The following PHF21A variants were observed in gnomAD, a reference collection of about 807,000 sequenced individuals.
PHF21A encodes PHD finger protein 21A.
A neutral mutation model predicts 82.5 loss-of-function variants in PHF21A; 11 were observed. The observed-to-expected ratio is 0.13, with a 90% CI of 0.08 to 0.22. The LOEUF (loss-of-function observed/expected upper bound fraction) is 0.22. Ranked by LOEUF, PHF21A falls within the 10% of genes least tolerant of loss-of-function variation. PHF21A has a pLI of 1.00. For missense variants in PHF21A, 579 were observed against 837.8 expected (o/e 0.69, Z 3.81); for synonymous variants, 297 against 302.8 (o/e 0.98, Z 0.20).
chr11:45,970,587 T>C (rs1251271105), intron 8 of PHF21A: 1 of 152,380 alleles, frequency 6.6e-6, no homozygotes, highest in Non-Finnish European at 1.5e-5. Context: ...AAGGGATTTT[T>C]TTTTTTTCCT....
intron 9 of PHF21A, 121 bp from the exon 10 acceptor site, chr11:45,965,729 T>G (rs574525296): frequency 5.1e-6 from 4 of 787,744 alleles, no homozygotes; most frequent in African/African-American, 1.7e-5. Flanking sequence ...TTCATTTTGG[T>G]ACATTAATTC....
chr11:46,011,933 C>T (rs1391805287), intron 6 of PHF21A, among the ~76,000 whole-genome samples: 2 of 152,150 alleles, frequency 1.3e-5, no homozygotes, highest in African/African-American at 2.4e-5. Context: ...TTAGAAGCAA[C>T]CTGCACACTC....
chr11:45,994,445 C>T (rs1415016697), intron 6 of PHF21A, among the ~76,000 whole-genome samples: 1 of 152,136 alleles, frequency 6.6e-6, no homozygotes, highest in Non-Finnish European at 1.5e-5. Context: ...AACCAGCCTC[C>T]CTGCTTTCAG....
intron 9 of PHF21A, among the ~76,000 whole-genome samples, chr11:45,969,321 G>C (rs2093631950): frequency 6.6e-6 from 1 of 152,230 alleles, no homozygotes; most frequent in Non-Finnish European, 1.5e-5. Flanking sequence ...TAGGGAGAAA[G>C]TCCTCTGTAC....
Position 45,935,740 on chromosome 11 carries a change from CTAA to C in PHF21A, c.1685-4_1685-2del. ...AACTTCTGTTTCTCTTCTTCTTTTG[CTAA>C]AAAAAAAAAAAAAAAAAAAAAGGAA... On this transcript the variant is annotated splice_acceptor_variant and splice_polypyrimidine_tract_variant and intron_variant, in intron 17 of 18. Transcript: ENST00000676320. LOFTEE classifies it high-confidence loss of function. The C allele has an allele frequency of 6.4e-6, 3 of 467,482 alleles. No homozygotes were observed. The highest frequency in any genetic ancestry group is 9.3e-6 in the Non-Finnish European group (3 of 321,118). The allele number at this position is 467,482 out of a possible 1,614,324, so 29.0% of individuals were successfully genotyped here.
intron 6 of PHF21A, among the ~76,000 whole-genome samples, chr11:46,001,356 T>C (rs375439396): frequency 1.3e-5 from 2 of 150,562 alleles, no homozygotes; most frequent in Admixed American, 6.7e-5. Context: ...GATATCACTG[T>C]TATCAACAAA....
rs999710699 is a variant in PHF21A, at chr11:45,931,730, G to C, written c.*2238C>G. On this transcript the variant is annotated 3_prime_UTR_variant, in exon 19 of 19. Coordinates refer to ENST00000676320, the MANE Select transcript of PHF21A (RefSeq NM_001352027.3). ...CAGGGCCTGGAGTGGGCTTGGGGGA[G>C]ATGCTCCAGCAGGGCCAGGGTACAG... The C allele has an allele frequency of 1.3e-5, 2 of 152,326 alleles. No homozygotes were observed. Among genetic ancestry groups the C allele is most frequent in the African/African-American group, 4.8e-5 (2 of 41,462 alleles). The allele number at this position is 152,326 out of a possible 1,614,324, so 9.4% of individuals were successfully genotyped here. A position where few individuals can be genotyped will look rare whatever the true frequency, so the allele number is the denominator to read the frequency against.
intron 9 of PHF21A, among the ~76,000 whole-genome samples, chr11:45,969,487 GA>G (rs2136038687): frequency 6.6e-6 from 1 of 152,346 alleles, no homozygotes; most frequent in South Asian, 2.1e-4. Context: ...AAAGAAATAA[GA>G]AGTGTTAATT....
chr11:45,938,825 G>A (rs184007414), intron 15 of PHF21A, among the ~76,000 whole-genome samples: 2 of 151,870 alleles, frequency 1.3e-5, no homozygotes, highest in East Asian at 3.9e-4. Context: ...ATAAGGGGGA[G>A]ACTAGTGTAT....
intron 1 of PHF21A, among the ~76,000 whole-genome samples, chr11:46,094,469 C>T (rs2096966200): frequency 6.6e-6 from 1 of 152,176 alleles, no homozygotes; most frequent in Non-Finnish European, 1.5e-5. Context: ...TTCCACTAGA[C>T]CTCACTTTCT....
chr11:45,963,886 T>C (rs920294465), intron 10 of PHF21A, among the ~76,000 whole-genome samples: 6 of 152,022 alleles, frequency 3.9e-5, no homozygotes, highest in Non-Finnish European at 7.4e-5. Flanking sequence ...AAATTTTCTG[T>C]GTTAAAATAT....
chr11:45,967,116 C>T (rs942303174), intron 9 of PHF21A, among the ~76,000 whole-genome samples: 1 of 152,108 alleles, frequency 6.6e-6, no homozygotes, highest in African/African-American at 2.4e-5. Context: ...CACCTGTAAT[C>T]CCAACAATTC....
At chr11:45,936,601 A>C (rs1439157048) in intron 16 of PHF21A, 32 bp from the exon 17 acceptor site, 2 of 1,472,666 alleles carry the variant, frequency 1.4e-6, no homozygotes, top group African/African-American at 1.4e-5. Context: ...TACCTTGAGA[A>C]GGAGGTTTAA....
At chr11:46,116,306 A>C (rs938928307) in intron 1 of PHF21A, among the ~76,000 whole-genome samples, 1 of 152,216 alleles carries the variant, frequency 6.6e-6, no homozygotes, top group Non-Finnish European at 1.5e-5. Flanking sequence ...ACACATACAG[A>C]TATACATCTT....
At chr11:46,011,185 G>C (rs901273860) in intron 6 of PHF21A, among the ~76,000 whole-genome samples, 3 of 152,040 alleles carry the variant, frequency 2.0e-5, no homozygotes, top group Non-Finnish European at 4.4e-5. Context: ...CTAGTGGTAG[G>C]GTGTATAAAA....
In PHF21A at chr11:46,017,154, A is replaced by G. The variant is rs556440856; in HGVS notation, c.154-37188T>C. Among the ~76,000 whole-genome samples the G allele has an allele frequency of 2.6e-5, 4 of 152,182 alleles. No homozygotes were observed. The East Asian group carries it at 7.7e-4, about 29-fold the overall frequency. ...CCCAGCTAATTTTTGTATTTTTAGC[A>G]GAGACGGGGTTTCTCCACATTGGTC... On this transcript the variant is annotated intron_variant, in intron 6 of 18. Coordinates refer to ENST00000676320, the MANE Select transcript of PHF21A (RefSeq NM_001352027.3).
At chr11:45,954,550 A>G (rs2092478917) in intron 10 of PHF21A, among the ~76,000 whole-genome samples, 1 of 152,060 alleles carries the variant, frequency 6.6e-6, no homozygotes, top group Non-Finnish European at 1.5e-5. Context: ...CTCTTCTTCC[A>G]GAAGCCTCTT....
chr11:46,023,488 G>A (rs2095671514), intron 6 of PHF21A, among the ~76,000 whole-genome samples: 1 of 152,092 alleles, frequency 6.6e-6, no homozygotes, highest in Non-Finnish European at 1.5e-5. Context: ...TTCTAGAAAG[G>A]GTTAGGTCAG....
intron 6 of PHF21A, among the ~76,000 whole-genome samples, chr11:45,992,677 A>T (rs1376505999): frequency 6.6e-6 from 1 of 152,232 alleles, no homozygotes; most frequent in Non-Finnish European, 1.5e-5. Context: ...TTAGTGGGAA[A>T]ATGCATAGAC....
Sources: allele counts gnomAD v4.1 joint callset (sites outside exome capture counted in the v4.1 genomes callset), GRCh38; gene constraint gnomAD v4.1.1; transcripts MANE v1.5; gene names NCBI Gene and HGNC (gene_info 2026-07-23, HGNC 2026-07-21).